The following SLC6A3 variants were observed in gnomAD, a reference collection of about 807,000 sequenced individuals.
SLC6A3 encodes sodium-dependent dopamine transporter.
A neutral mutation model predicts 70.4 loss-of-function variants in SLC6A3; 19 were observed. The ratio of observed to expected loss-of-function variants is 0.27; its 90% CI spans 0.19 to 0.40. The LOEUF (loss-of-function observed/expected upper bound fraction) is 0.40, where lower values mean the gene tolerates loss of function less well. Ranked by LOEUF, SLC6A3 falls within the 10% of genes least tolerant of loss-of-function variation. The pLI, the probability that SLC6A3 is intolerant of heterozygous loss-of-function variation, is 1.00. For synonymous variants in SLC6A3, 368 were observed against 356.6 expected, an observed-to-expected ratio of 1.03 and a Z score of -0.36; for missense variants, 613 against 838.5, an observed-to-expected ratio of 0.73 and a Z score of 3.32.
intron 12 of SLC6A3, 50 bp from the exon 13 acceptor site, chr5:1,403,139 G>C (rs1357050171): frequency 1.3e-6 from 2 of 1,594,754 alleles, no homozygotes; most frequent in African/African-American, 2.7e-5. Context: ...GGCGGTGCCA[G>C]GACAAAGCAG....
intron 14 of SLC6A3, among the ~76,000 whole-genome samples, chr5:1,400,457 G>A (rs189302805): frequency 5.3e-5 from 8 of 152,130 alleles, no homozygotes; most frequent in Non-Finnish European, 1.0e-4. Context: ...CCTCTCACTC[G>A]AAGCCAGCCC....
At chr5:1,415,550 T>C (rs1319692132) in intron 7 of SLC6A3, among the ~76,000 whole-genome samples, 1 of 152,184 alleles carries the variant, frequency 6.6e-6, no homozygotes, top group African/African-American at 2.4e-5. Context: ...GTTTCTAGCC[T>C]CATGATGTGA....
intron 9 of SLC6A3, among the ~76,000 whole-genome samples, chr5:1,410,350 A>AGACCCCTCTT (rs1249048956): frequency 1.3e-5 from 2 of 152,148 alleles, no homozygotes; most frequent in African/African-American, 4.8e-5. Flanking sequence ...TGCTCGGTCC[A>AGACCCCTCTT]GACCCCTCTT....
rs1257407004 is a variant in SLC6A3, at chr5:1,436,202, A to C, written c.419-3504T>G. ...GAAGGCAGAGCCCGTGACCTGGGCC[A>C]CTGACGTGTAGCCCCTCACCAACCA... On this transcript the variant is annotated intron_variant, in intron 3 of 14. Transcript: ENST00000270349. This position sits in a 1 kb window ranked among gnomAD's most constrained non-coding sequence, Gnocchi z 5.2. Among the ~76,000 whole-genome samples, 7 of 152,226 alleles carry C rather than the reference A, an allele frequency of 4.6e-5. No homozygotes were observed.
rs1364589480 is a variant in SLC6A3, at chr5:1,443,170, G to A, written c.28C>T (p.Leu10Phe). The A allele has an allele frequency of 5.0e-6, 8 of 1,614,130 alleles. No individual in the cohort carries two copies. In the East Asian group the frequency reaches 1.8e-4, roughly 36 times the overall value. MSKSKCSVG[L>F]MSSVVAPAKE... ...GCCGGGGCCACCACGGAAGACATGA[G>A]TCCCACGGAGCATTTGCTCTTACTC... is the stretch of plus-strand genomic sequence containing the variant. The change falls in exon 2 of 15, where the codon CTC (leucine) becomes TTC (phenylalanine). Residue 10 changes from leucine (L) to phenylalanine (F), a missense_variant. Leu to Phe is a conservative substitution (Grantham distance 22). Transcript: ENST00000270349.
rs772708278 is a variant in SLC6A3 at position 1,441,402 on chromosome 5, C to T, written c.375G>A (p.Arg125=). 1.5e-5 allele frequency: 25 copies of T among 1,614,138 alleles called. No individual in the cohort carries two copies. The highest frequency in any genetic ancestry group is 6.7e-5 in the Admixed American group (4 of 60,012). ...TCTTCCAGACACCAGCGGCCCCTTCCCTGTTGAACTGGCCGAGGGCCAGCT... is the reference window on the plus strand; with the variant it reads ...TCTTCCAGACACCAGCGGCCCCTTCTCTGTTGAACTGGCCGAGGGCCAGCT... The part of the protein sequence containing the change: ...YMELALGQFN[R]EGAAGVWKIC... Residue 125 remains arginine, a synonymous_variant, in exon 3 of 15, where the codon AGG becomes AGA. Coordinates refer to ENST00000270349, the MANE Select transcript of SLC6A3 (RefSeq NM_001044.5).
At chr5:1,435,801 A>C (rs1756817315) in intron 3 of SLC6A3, among the ~76,000 whole-genome samples, 1 of 124,900 alleles carries the variant, frequency 8.0e-6, no homozygotes, top group Non-Finnish European at 1.6e-5. Context: ...GGTGGTGGCC[A>C]GTCCCCTCCT....
Position 1,411,233 on chromosome 5 carries a change from G to C in SLC6A3, c.1269+10C>G. 1 of 1,534,874 alleles carries C rather than the reference G, an allele frequency of 6.5e-7. No individual in the cohort carries two copies. The highest frequency in any genetic ancestry group is 8.8e-7 in the Non-Finnish European group (1 of 1,132,802). On this transcript the variant is annotated intron_variant, in intron 9 of 14. Transcript: ENST00000270349. The surrounding 1 kb of genome is among the most constrained non-coding windows in gnomAD (Gnocchi z 6.5). The stretch of plus-strand genomic sequence containing the variant: ...GCCGAGGACAGGGCCGGGCGGTGCG[G>C]GTTACTCACGGCGCTGTCGATACCC...
intron 4 of SLC6A3, among the ~76,000 whole-genome samples, chr5:1,423,073 C>G (rs1756491417): frequency 1.1e-5 from 1 of 87,198 alleles, no homozygotes; most frequent in Non-Finnish European, 2.1e-5. Flanking sequence ...TGGGTACCCA[C>G]CACTGCCCAC....
At chr5:1,417,648 C>A (rs750433011) in intron 6 of SLC6A3, among the ~76,000 whole-genome samples, 1 of 152,256 alleles carries the variant, frequency 6.6e-6, no homozygotes, top group Non-Finnish European at 1.5e-5. Context: ...GGTGAGGGCA[C>A]TGCGGAGACC....
intron 3 of SLC6A3, among the ~76,000 whole-genome samples, chr5:1,440,410 G>T (rs1451413015): frequency 6.6e-6 from 1 of 152,158 alleles, no homozygotes; most frequent in Admixed American, 6.5e-5. Flanking sequence ...TGACTGGATG[G>T]GTGGATGAAT....
chr5:1,415,380 C>A (rs1579710576), intron 7 of SLC6A3, among the ~76,000 whole-genome samples: 1 of 152,082 alleles, frequency 6.6e-6, no homozygotes, highest in African/African-American at 2.4e-5. Flanking sequence ...GTGGAAGGAC[C>A]ACACACTTCA....
rs933759226 is a variant in SLC6A3 at position 1,394,330 on chromosome 5, G to A, written c.*405C>T. 4.5e-5 allele frequency: 16 copies of A among 354,378 alleles called. No homozygotes were observed. Among genetic ancestry groups the A allele is most frequent in the Non-Finnish European group, 7.4e-5 (14 of 189,206 alleles). The allele number at this position is 354,378 out of a possible 1,614,324, so 22.0% of individuals were successfully genotyped here. A position where few individuals can be genotyped will look rare whatever the true frequency, so the allele number is the denominator to read the frequency against. On this transcript the variant is annotated 3_prime_UTR_variant, in exon 15 of 15. Coordinates refer to ENST00000270349, the MANE Select transcript of SLC6A3 (RefSeq NM_001044.5). The surrounding 1 kb of genome is among the most constrained non-coding windows in gnomAD (Gnocchi z 4.7). ...GGTCTAGGAAGCTACTGTGAGCACG[G>A]GGATTCTCAGCAGGTGCGTCTACAA...
At chr5:1,414,406 C>CCGGGAGGGGCAGGGCAGGGAAGGCA (rs1560912794) in intron 8 of SLC6A3, among the ~76,000 whole-genome samples, 2 of 145,166 alleles carry the variant, frequency 1.4e-5, no homozygotes, top group Non-Finnish European at 3.0e-5. Flanking sequence ...GGTGGGGGGG[C>CCGGGAGGGGCAGGGCAGGGAAGGCA]CTGGAGGGGC....
Position 1,396,852 on chromosome 5 carries a change from G to T in SLC6A3, c.1840-2094C>A, listed in dbSNP as rs1420945227. Among the ~76,000 whole-genome samples, 2 of 152,166 alleles carry T rather than the reference G, an allele frequency of 1.3e-5. No individual in the cohort carries two copies. Among genetic ancestry groups the T allele is most frequent in the Non-Finnish European group, 2.9e-5 (2 of 68,034 alleles). ...CTGAAGCCAAATAATACACTTTTTA[G>T]GAAGCTAGAAATATCTAGAGATGCA... is the stretch of plus-strand genomic sequence containing the variant. On this transcript the variant is annotated intron_variant, in intron 14 of 14. Transcript: ENST00000270349. The surrounding 1 kb of genome is among the most constrained non-coding windows in gnomAD (Gnocchi z 7.0).
chr5:1,422,198 G>A (rs1482594270), intron 4 of SLC6A3, among the ~76,000 whole-genome samples, 184 bp from the exon 5 acceptor site: 4 of 152,216 alleles, frequency 2.6e-5, no homozygotes, highest in African/African-American at 7.2e-5. Flanking sequence ...TGTCAGGGCC[G>A]CCCTTGAAAC....
In SLC6A3 at chr5:1,437,004, C is replaced by A. The variant is rs897517973; in HGVS notation, c.419-4306G>T. ...CGGTGGCTCACTCCTGTAATCCCAG[C>A]ACTTTGGGAGGCCAAGGCAGGCGGA... On this transcript the variant is annotated intron_variant, in intron 3 of 14. Coordinates refer to ENST00000270349, the MANE Select transcript of SLC6A3 (RefSeq NM_001044.5). This position sits in a 1 kb window ranked among gnomAD's most constrained non-coding sequence, Gnocchi z 4.8. Among the ~76,000 whole-genome samples, 23 of 152,310 alleles carry A rather than the reference C, an allele frequency of 1.5e-4. No individual in the cohort carries two copies. The highest frequency in any genetic ancestry group is 5.3e-4 in the African/African-American group (22 of 41,580).
In SLC6A3 at chr5:1,420,676, A is replaced by G. The variant is rs753423546; in HGVS notation, c.820T>C (p.Tyr274His). Residue 274 changes from tyrosine (Y) to histidine (H), a missense_variant, in exon 6 of 15, where the codon TAC becomes CAC. Transcript: ENST00000270349. ...AGGAGCAGGGCAGTGAGGACCACGT[A>G]TGGCATGGTGGCTGTGATCCATACC... Reference protein sequence around the residue: ...KVVWITATMPYVVLTALLLRG... With the variant: ...KVVWITATMPHVVLTALLLRG... 3.1e-6 allele frequency: 5 copies of G among 1,613,596 alleles called. No individual in the cohort carries two copies. The highest frequency in any genetic ancestry group is 4.2e-6 in the Non-Finnish European group (5 of 1,179,932).
rs1379543014 is a variant in SLC6A3, at chr5:1,401,021, A to T, written c.1768-35T>A. On this transcript the variant is annotated intron_variant, in intron 13 of 14. Transcript: ENST00000270349. This position sits in a 1 kb window ranked among gnomAD's most constrained non-coding sequence, Gnocchi z 6.1. The stretch of plus-strand genomic sequence containing the variant: ...AAAGAGAGTGCAGGGGTCAGTGCAG[A>T]CCAGTACCCACTGCCAGCACCCACC... 1 of 1,491,514 alleles carries T rather than the reference A, an allele frequency of 6.7e-7. No homozygotes were observed. The highest frequency in any genetic ancestry group is 1.2e-5 in the South Asian group (1 of 84,536). 92.4% of individuals were successfully genotyped at this position (1,491,514 alleles called of 1,614,324 possible).
Sources: gnomAD v4.1 joint callset for allele counts (sites outside exome capture counted in the v4.1 genomes callset) on GRCh38, gnomAD v4.1.1 for gene constraint, Gnocchi (gnomAD v3.1) non-coding constraint, MANE v1.5 for transcripts, NCBI Gene and HGNC (gene_info 2026-07-23, HGNC 2026-07-21) for gene names.